MUL1: variants seen among roughly 807,000 people sequenced by gnomAD.
MUL1 encodes the protein mitochondrial ubiquitin ligase activator of NFKB 1.
A neutral mutation model predicts 34.1 loss-of-function variants in MUL1; 30 were observed. That is an observed-to-expected ratio of 0.88 (90% CI 0.66 to 1.19). The LOEUF (loss-of-function observed/expected upper bound fraction) is 1.19. MUL1 is among the 50% of genes most tolerant of loss of function. The pLI is 0.00. For synonymous variants in MUL1, 191 were observed against 187.8 expected (o/e 1.02, Z -0.14); for missense variants, 419 against 450.5 (o/e 0.93, Z 0.63).
In MUL1 at chr1:20,500,615, C is replaced by T. The variant is rs923685576; in HGVS notation, c.*75G>A. 92 of 1,508,862 alleles carry T rather than the reference C, an allele frequency of 6.1e-5. No individual in the cohort carries two copies. Among genetic ancestry groups the T allele is most frequent in the Non-Finnish European group, 8.0e-5 (91 of 1,130,692 alleles). The allele number at this position is 1,508,862 out of a possible 1,614,324, so 93.5% of individuals were successfully genotyped here. The stretch of plus-strand genomic sequence containing the variant: ...ACAGCTACCCCCACCACTGCTCCTC[C>T]AAAGGCCTCGAGATAAAAATCCCTG... On this transcript the variant is annotated 3_prime_UTR_variant, in exon 4 of 4. Transcript: ENST00000264198.
At position 20,508,010 on chromosome 1, in the gene MUL1, C is replaced by G; in HGVS notation, c.15G>C (p.Gly5=). MESG[G]RPSLCQFILL... ...GGATGAACTGGCACAGCGAGGGCCG[C>G]CCTCCGCTCTCCATGACGGCGGCGA... The change falls in exon 1 of 4, where the codon GGG becomes GGC. Residue 5 remains glycine, a synonymous_variant. Coordinates refer to ENST00000264198, the MANE Select transcript of MUL1 (RefSeq NM_024544.3). The G allele has an allele frequency of 6.3e-7, 1 of 1,585,326 alleles. No homozygotes were observed. Among genetic ancestry groups the G allele is most frequent in the Non-Finnish European group, 8.6e-7 (1 of 1,167,294 alleles).
intron 1 of MUL1, among the ~76,000 whole-genome samples, chr1:20,505,381 G>A (rs1417708484): frequency 2.0e-5 from 3 of 151,850 alleles, no homozygotes; most frequent in African/African-American, 7.3e-5. Flanking sequence ...GGCCAGCAGT[G>A]CAAAACTAGC....
rs887721464 is a variant in MUL1, at chr1:20,499,705, T to G, written c.*985A>C. 1 of 150,344 alleles carries G rather than the reference T, an allele frequency of 6.7e-6. No individual in the cohort carries two copies. Among genetic ancestry groups the G allele is most frequent in the African/African-American group, 2.5e-5 (1 of 40,720 alleles). The allele number at this position is 150,344 out of a possible 1,614,324, so 9.3% of individuals were successfully genotyped here. A position where few individuals can be genotyped will look rare whatever the true frequency, so the allele number is the denominator to read the frequency against. On this transcript the variant is annotated 3_prime_UTR_variant, in exon 4 of 4. Transcript: ENST00000264198. ...GGCAAATGGTAATACTGGGAGGGGG[T>G]AACACAAGGAGAAGCGACATGAGTA...
chr1:20,507,793 G>GT, intron 1 of MUL1, 112 bp downstream of exon 1: 1 of 1,443,740 alleles, frequency 6.9e-7, no homozygotes, highest in Non-Finnish European at 9.3e-7. Context: ...TTCAGAGGCT[G>GT]TTTCCTTTTT....
rs575043984 is a variant in MUL1 at position 20,501,025 on chromosome 1, C to G, written c.724G>C (p.Val242Leu). 1.2e-6 allele frequency: 2 copies of G among 1,613,984 alleles called. No individual in the cohort carries two copies. The highest frequency in any genetic ancestry group is 1.7e-6 in the Non-Finnish European group (2 of 1,180,054). The change falls in exon 4 of 4, where the codon GTG becomes CTG. Residue 242 changes from valine to leucine, a missense_variant. By Grantham distance (32) the Val-to-Leu change is conservative. Coordinates refer to ENST00000264198, the MANE Select transcript of MUL1 (RefSeq NM_024544.3). The surrounding 1 kb of genome is among the most constrained non-coding windows in gnomAD (Gnocchi z 4.2). ...RQESSVRLWK[V>L]LALVFGFATC... ...GCAAAGCCAAAAACCAGCGCCAGCA[C>G]CTTCCAGAGCCTGACGCTCGACTCC...
intron 1 of MUL1, among the ~76,000 whole-genome samples, chr1:20,505,369 G>T (rs1297506626): frequency 1.3e-5 from 2 of 152,000 alleles, no homozygotes; most frequent in Non-Finnish European, 2.9e-5. Context: ...ATAGCTGCTT[G>T]AGGCCAGCAG....
chr1:20,508,074 T>C lies in MUL1; in HGVS notation c.-50A>G, dbSNP rs2051735977. ...ACTGTGGCGCCAAGGATAGGCCTGGTGACCCCCGACTCTCCACCTCCTTCC... is the reference window on the plus strand; with the variant it reads ...ACTGTGGCGCCAAGGATAGGCCTGGCGACCCCCGACTCTCCACCTCCTTCC... On this transcript the variant is annotated 5_prime_UTR_variant, in exon 1 of 4. Coordinates refer to ENST00000264198, the MANE Select transcript of MUL1 (RefSeq NM_024544.3). 1.3e-6 allele frequency: 2 copies of C among 1,558,700 alleles called. No individual in the cohort carries two copies. The highest frequency in any genetic ancestry group is 1.7e-6 in the Non-Finnish European group (2 of 1,152,724).
rs779156816 is a variant in MUL1 at position 20,501,041 on chromosome 1, G to A, written c.708C>T (p.Ser236=). The A allele has an allele frequency of 1.3e-5, 21 of 1,613,960 alleles. No individual in the cohort carries two copies. In the East Asian group the frequency reaches 4.0e-4, roughly 31 times the overall value. The change falls in exon 4 of 4, where the codon AGC becomes AGT. Residue 236 remains serine, a synonymous_variant. Transcript: ENST00000264198. The surrounding 1 kb of genome is among the most constrained non-coding windows in gnomAD (Gnocchi z 4.2). ...GCGCCAGCACCTTCCAGAGCCTGAC[G>A]CTCGACTCCTGCCTCTGCAGCAGGC... ...FDSLLQRQES[S]VRLWKVLALV... is the part of the protein sequence containing the mutation.
At chr1:20,507,614 C>G (rs562023540) in intron 1 of MUL1, among the ~76,000 whole-genome samples, 65 of 152,372 alleles carry the variant, frequency 4.3e-4, no homozygotes, top group Non-Finnish European at 7.3e-4. Context: ...CTGTTCGACT[C>G]ACTGCCTGGA....
In MUL1 at chr1:20,501,950, A is replaced by T; in HGVS notation, c.329+119T>A. On this transcript the variant is annotated intron_variant, in intron 3 of 3. Coordinates refer to ENST00000264198, the MANE Select transcript of MUL1 (RefSeq NM_024544.3). The surrounding 1 kb of genome is among the most constrained non-coding windows in gnomAD (Gnocchi z 4.2). ...TACACACAAGAATATGACCTGCATT[A>T]AGAGACTGGGCTTCAACCTGTCTCA... is the stretch of plus-strand genomic sequence containing the variant. 1.6e-6 allele frequency: 2 copies of T among 1,288,398 alleles called. No individual in the cohort carries two copies. The highest frequency in any genetic ancestry group is 2.2e-6 in the Non-Finnish European group (2 of 906,892). The allele number at this position is 1,288,398 out of a possible 1,614,324, so 79.8% of individuals were successfully genotyped here.
chr1:20,508,047 C>G lies in MUL1; in HGVS notation c.-23G>C. 1 of 1,573,762 alleles carries G rather than the reference C, an allele frequency of 6.4e-7. No homozygotes were observed. Among genetic ancestry groups the G allele is most frequent in the Non-Finnish European group, 8.6e-7 (1 of 1,161,186 alleles). ...CATGACGGCGGCGAGCCCCGGTGGC[C>G]GACTGTGGCGCCAAGGATAGGCCTG... On this transcript the variant is annotated 5_prime_UTR_variant, in exon 1 of 4. Coordinates refer to ENST00000264198, the MANE Select transcript of MUL1 (RefSeq NM_024544.3).
chr1:20,501,938 A>G lies in MUL1; in HGVS notation c.329+131T>C, dbSNP rs963501599. Reference sequence around the variant, plus strand: ...AGGCCCACAGGCTACACACAAGAATATGACCTGCATTAAGAGACTGGGCTT... The same window carrying G: ...AGGCCCACAGGCTACACACAAGAATGTGACCTGCATTAAGAGACTGGGCTT... On this transcript the variant is annotated intron_variant, in intron 3 of 3. Transcript: ENST00000264198. This position sits in a 1 kb window ranked among gnomAD's most constrained non-coding sequence, Gnocchi z 4.2. 8.6e-7 allele frequency: 1 copy of G among 1,163,458 alleles called. No individual in the cohort carries two copies. The highest frequency in any genetic ancestry group is 1.2e-6 in the Non-Finnish European group (1 of 804,396). 72.1% of individuals were successfully genotyped at this position (1,163,458 alleles called of 1,614,324 possible).
rs1390609189 is a variant in MUL1 at position 20,503,129 on chromosome 1, C to T, written c.208+93G>A. On this transcript the variant is annotated intron_variant, in intron 2 of 3. Transcript: ENST00000264198. ...AGTATGTTCTGGACCATGGACCCAA[C>T]ACCACAAAAGGCTCTTCATATTAGC... 6 of 875,262 alleles carry T rather than the reference C, an allele frequency of 6.9e-6. No homozygotes were observed. In the East Asian group the frequency reaches 1.6e-4, roughly 23 times the overall value. 54.2% of individuals were successfully genotyped at this position (875,262 alleles called of 1,614,324 possible).
At chr1:20,505,394 G>A (rs1036463381) in intron 1 of MUL1, among the ~76,000 whole-genome samples, 12 of 151,884 alleles carry the variant, frequency 7.9e-5, no homozygotes, top group South Asian at 4.2e-4. Flanking sequence ...AAACTAGCAT[G>A]AGCAACATGC....
chr1:20,503,324 A>T lies in MUL1; in HGVS notation c.121-15T>A. ...TTTTTAGCTCCCTAAATAAAAAAAAAAAATTAAATTAATTGGCCATTGAAC... is the reference window on the plus strand; with the variant it reads ...TTTTTAGCTCCCTAAATAAAAAAAATAAATTAAATTAATTGGCCATTGAAC... On this transcript the variant is annotated splice_polypyrimidine_tract_variant and intron_variant, in intron 1 of 3. Coordinates refer to ENST00000264198, the MANE Select transcript of MUL1 (RefSeq NM_024544.3). The T allele has an allele frequency of 6.6e-7, 1 of 1,515,026 alleles. No homozygotes were observed. The highest frequency in any genetic ancestry group is 9.0e-7 in the Non-Finnish European group (1 of 1,114,348). 93.8% of individuals were successfully genotyped at this position (1,515,026 alleles called of 1,614,324 possible). A position where few individuals can be genotyped will look rare whatever the true frequency, so the allele number is the denominator to read the frequency against.
At position 20,500,451 on chromosome 1, in the gene MUL1, C is replaced by CGT; in HGVS notation, c.*238_*239insAC. The CGT allele has an allele frequency of 2.2e-6, 1 of 463,698 alleles. No homozygotes were observed. The highest frequency in any genetic ancestry group is 3.8e-6 in the Non-Finnish European group (1 of 265,156). The allele number at this position is 463,698 out of a possible 1,614,324, so 28.7% of individuals were successfully genotyped here. On this transcript the variant is annotated 3_prime_UTR_variant, in exon 4 of 4. Transcript: ENST00000264198. The stretch of plus-strand genomic sequence containing the variant: ...TGGCTCCTGGGAGGAGACGCCACGG[C>CGT]ATCCTCCCAGGGTGAGGCTCTGATG...
intron 1 of MUL1, among the ~76,000 whole-genome samples, chr1:20,506,211 C>T (rs763240316): frequency 5.3e-5 from 8 of 152,150 alleles, no homozygotes; most frequent in Non-Finnish European, 1.2e-4. Context: ...ATCCATCTTT[C>T]ATATAAACAT....
Position 20,501,331 on chromosome 1 carries a change from G to A in MUL1, c.418C>T (p.Arg140Ter), listed in dbSNP as rs941378215. ...ACTGAGTCCAGGGGCTTCAGCACTC[G>A]CACAGCCACATCCACGCCATCCTCG... ...PHEDGVDVAV[R>*]VLKPLDSVDL... Residue 140 changes from arginine to a stop codon, truncating the protein, a stop_gained, in exon 4 of 4, where the codon CGA (arginine) becomes TGA (stop). Coordinates refer to ENST00000264198, the MANE Select transcript of MUL1 (RefSeq NM_024544.3). LOFTEE classifies it high-confidence loss of function. This position sits in a 1 kb window ranked among gnomAD's most constrained non-coding sequence, Gnocchi z 4.2. 1.4e-5 allele frequency: 23 copies of A among 1,613,996 alleles called. No homozygotes were observed. The highest frequency in any genetic ancestry group is 9.9e-5 in the South Asian group (9 of 91,088).
At position 20,502,087 on chromosome 1, in the gene MUL1, T is replaced by G; in HGVS notation, c.311A>C (p.Asn104Thr). 6.2e-7 allele frequency: 1 copy of G among 1,613,902 alleles called. No individual in the cohort carries two copies. The highest frequency in any genetic ancestry group is 8.5e-7 in the Non-Finnish European group (1 of 1,180,002). The change falls in exon 3 of 4, where the codon AAT (asparagine) becomes ACT (threonine). Residue 104 changes from asparagine to threonine, a missense_variant. Asn to Thr is a moderately conservative substitution (Grantham distance 65). Coordinates refer to ENST00000264198, the MANE Select transcript of MUL1 (RefSeq NM_024544.3). Reference sequence around the variant, plus strand: ...TACATACCAAAGGTGGGTGGTTCGATTCCACACCATCTTGTGCTCCTGAAG... The same window carrying G: ...TACATACCAAAGGTGGGTGGTTCGAGTCCACACCATCTTGTGCTCCTGAAG... ...LTLQEHKMVW[N>T]RTTHLWNDCS...
Sources: allele counts gnomAD v4.1 joint callset (sites outside exome capture counted in the v4.1 genomes callset), GRCh38; gene constraint gnomAD v4.1.1; non-coding constraint Gnocchi (gnomAD v3.1); transcripts MANE v1.5; gene names NCBI Gene and HGNC (gene_info 2026-07-23, HGNC 2026-07-21).